NEBL: variants seen among roughly 807,000 people sequenced by gnomAD.
NEBL encodes the protein LIM and SH3 protein 2.
A neutral mutation model predicts 140.2 loss-of-function variants in NEBL; 122 were observed. The observed-to-expected ratio is 0.87, with a 90% confidence interval of 0.75 to 1.01. The LOEUF (loss-of-function observed/expected upper bound fraction) is 1.01. Among genes scored for constraint, NEBL ranks in the 50% least tolerant of loss-of-function variants. The pLI, the probability that NEBL is intolerant of heterozygous loss-of-function variation, is 0.00. For missense variants in NEBL, 1,365 were observed against 1,231.3 expected (o/e 1.11, Z -1.62); for synonymous variants, 436 against 398.9 (o/e 1.09, Z -1.11).
rs757180148 is a variant in NEBL, at chr10:20,859,665, C to T, written c.798+48G>A. The T allele has an allele frequency of 8.8e-6, 11 of 1,253,100 alleles. No individual in the cohort carries two copies. In the South Asian group the frequency reaches 1.3e-4, roughly 14 times the overall value. The allele number at this position is 1,253,100 out of a possible 1,614,324, so 77.6% of individuals were successfully genotyped here. ...ACAACACAGTCGATTCTAAAAAAAA[C>T]AAGAATCAAAAGATTTTGAAAATAA... On this transcript the variant is annotated intron_variant, in intron 8 of 27. Coordinates refer to ENST00000377122, the MANE Select transcript of NEBL (RefSeq NM_006393.3).
chr10:21,077,112 G>GA (rs1836133580), intron 2 of NEBL, among the ~76,000 whole-genome samples: 2 of 152,090 alleles, frequency 1.3e-5, no homozygotes, highest in South Asian at 4.1e-4. Flanking sequence ...CCCAAGTCCA[G>GA]AAATGACCTA....
At chr10:21,127,437 C>T (rs1838892258) in intron 2 of NEBL, among the ~76,000 whole-genome samples, 1 of 151,940 alleles carries the variant, frequency 6.6e-6, no homozygotes, top group Non-Finnish European at 1.5e-5. Context: ...AAATGGTGGA[C>T]CAGGTATACA....
intron 1 of NEBL, among the ~76,000 whole-genome samples, chr10:21,274,881 G>A (rs1842900786): frequency 6.6e-6 from 1 of 151,868 alleles, no homozygotes; most frequent in African/African-American, 2.4e-5. Flanking sequence ...TATTCATTGA[G>A]TGGAAGTGGA....
At chr10:20,840,285 A>G (rs1841290495) in intron 13 of NEBL, among the ~76,000 whole-genome samples, 1 of 152,150 alleles carries the variant, frequency 6.6e-6, no homozygotes, top group Non-Finnish European at 1.5e-5. Context: ...TTCTCCTTAT[A>G]AAGTGCATGA....
At chr10:21,266,669 C>T (rs566758130) in intron 1 of NEBL, among the ~76,000 whole-genome samples, 15 of 152,336 alleles carry the variant, frequency 9.8e-5, no homozygotes, top group Non-Finnish European at 2.2e-4. Context: ...TTTTCAGATG[C>T]CTGTGTCTCT....
intron 3 of NEBL, among the ~76,000 whole-genome samples, chr10:21,218,967 A>G (rs539306059): frequency 3.3e-5 from 5 of 152,248 alleles, no homozygotes; most frequent in Non-Finnish European, 5.9e-5. Context: ...AAACCTTCAC[A>G]GACGGAACCT....
chr10:21,265,391 C>T (rs1487838003), intron 1 of NEBL, among the ~76,000 whole-genome samples: 8 of 152,302 alleles, frequency 5.3e-5, no homozygotes, highest in South Asian at 4.1e-4. Flanking sequence ...CTTACTCTCA[C>T]GCTGCAAAAC....
intron 1 of NEBL, among the ~76,000 whole-genome samples, chr10:21,269,310 C>A (rs7074362): frequency 0.17 from 25,206 of 152,140 alleles, 3,212 homozygotes; most frequent in African/African-American, 0.36. Flanking sequence ...CCCTCCTCCC[C>A]CTAAATGAGA....
chr10:20,790,317 TA>T (rs200311632), intron 26 of NEBL, among the ~76,000 whole-genome samples: 2 of 151,488 alleles, frequency 1.3e-5, no homozygotes, highest in Non-Finnish European at 2.9e-5. Flanking sequence ...ATAGGGGTTA[TA>T]AAAAAAATAA....
At chr10:20,849,023 A>G (rs1842233374) in intron 11 of NEBL, among the ~76,000 whole-genome samples, 1 of 152,220 alleles carries the variant, frequency 6.6e-6, no homozygotes, top group South Asian at 2.1e-4. Flanking sequence ...TGATGTTGTT[A>G]TTGGGCAACA....
At chr10:21,288,851 A>T (rs57247512) in intron 1 of NEBL, among the ~76,000 whole-genome samples, 442 of 31,980 alleles carry the variant, frequency 0.014, 12 homozygotes, top group East Asian at 0.044. Context: ...TATATATATA[A>T]AAATTTTTTT....
chr10:20,922,070 C>G (rs1029046290), intron 4 of NEBL, among the ~76,000 whole-genome samples: 9 of 152,128 alleles, frequency 5.9e-5, no homozygotes, highest in African/African-American at 1.9e-4. Flanking sequence ...AATTTTATGC[C>G]TCCAAAACAA....
intron 17 of NEBL, among the ~76,000 whole-genome samples, chr10:20,827,360 T>C (rs1260575072): frequency 6.6e-6 from 1 of 152,202 alleles, no homozygotes; most frequent in Non-Finnish European, 1.5e-5. Context: ...TTCCCATTTC[T>C]CAGTACAGCC....
intron 5 of NEBL, among the ~76,000 whole-genome samples, chr10:20,877,152 A>C (rs1845579014): frequency 6.6e-6 from 1 of 152,248 alleles, no homozygotes. Context: ...AAATAGAACC[A>C]GTAATGTATG....
chr10:21,271,298 C>G (rs912356303), intron 1 of NEBL, among the ~76,000 whole-genome samples: 1 of 152,146 alleles, frequency 6.6e-6, no homozygotes, highest in Non-Finnish European at 1.5e-5. Flanking sequence ...TAAACAAACT[C>G]TAAAACTTCG....
In NEBL at chr10:21,268,333, A is replaced by C. The variant is rs115580323; in HGVS notation, n.183-16505T>G. On this transcript the variant is annotated intron_variant and non_coding_transcript_variant, in intron 1 of 8. Coordinates refer to the NEBL transcript ENST00000675702. ...AAAAATAATTTTAAAAAGTTAGCCT[A>C]GCATAGTGGCATGGTGGTATGCACC... Among the ~76,000 whole-genome samples the C allele has an allele frequency of 5.7e-3, 866 of 152,086 alleles. 5 individuals carry two copies. The highest frequency in any genetic ancestry group is 0.02 in the African/African-American group (826 of 41,508).
At chr10:20,885,639 G>T (rs982512608) in intron 4 of NEBL, among the ~76,000 whole-genome samples, 1 of 152,206 alleles carries the variant, frequency 6.6e-6, no homozygotes, top group African/African-American at 2.4e-5. Flanking sequence ...GAGCTGTTGT[G>T]TGCTTTCAAA....
At chr10:20,963,067 T>C (rs1351632766) in intron 3 of NEBL, among the ~76,000 whole-genome samples, 2 of 151,650 alleles carry the variant, frequency 1.3e-5, no homozygotes, top group East Asian at 3.9e-4. Flanking sequence ...GATACTCTCA[T>C]CGCTTTTAGC....
chr10:21,182,249 A>C (rs1406967512), intron 3 of NEBL, among the ~76,000 whole-genome samples: 1 of 151,558 alleles, frequency 6.6e-6, no homozygotes, highest in Non-Finnish European at 1.5e-5. Context: ...AGGCCAGAGG[A>C]TCAAAGAAGG....
Sources: allele counts gnomAD v4.1 joint callset (sites outside exome capture counted in the v4.1 genomes callset), GRCh38; gene constraint gnomAD v4.1.1; transcripts MANE v1.5; gene names NCBI Gene and HGNC (gene_info 2026-07-23, HGNC 2026-07-21).